FAM227B: variants seen among roughly 807,000 people sequenced by gnomAD.
FAM227B encodes the protein protein FAM227B.
A neutral mutation model predicts 73.8 loss-of-function variants in FAM227B; 88 were observed. The ratio of observed to expected loss-of-function variants is 1.19; its 90% CI spans 1.00 to 1.42. FAM227B has a LOEUF of 1.42. Ranked by LOEUF, FAM227B falls within the 40% of genes most tolerant of loss-of-function variation. The probability of loss-of-function intolerance (pLI) is 0.00; values close to 1 mark genes in which losing one functional copy is unlikely to be tolerated. For missense variants in FAM227B, 632 were observed against 590.9 expected, an observed-to-expected ratio of 1.07 and a Z score of -0.72; for synonymous variants, 210 against 190.5, an observed-to-expected ratio of 1.10 and a Z score of -0.84.
intron 11 of FAM227B, among the ~76,000 whole-genome samples, chr15:49,494,256 AACACACACACACAC>A (rs374477211): frequency 2.8e-5 from 4 of 140,606 alleles, no homozygotes; most frequent in Non-Finnish European, 6.3e-5. Context: ...GAGACACACA[AACACACACACACAC>A]ACACACACAC....
intron 11 of FAM227B, among the ~76,000 whole-genome samples, chr15:49,479,812 C>A (rs530738062): frequency 1.3e-5 from 2 of 152,086 alleles, no homozygotes; most frequent in South Asian, 4.2e-4. Flanking sequence ...TGGGGTTTCA[C>A]CATATTTGCC....
chr15:49,489,824 A>ATATATATATATATATATTT (rs1567381498), intron 11 of FAM227B, among the ~76,000 whole-genome samples: 266 of 21,436 alleles, frequency 0.012, 23 homozygotes, highest in Middle Eastern at 0.043. Flanking sequence ...TATATATTTT[A>ATATATATATATATATATTT]TATATATATA....
At chr15:49,433,240 C>T (rs547732715) in intron 11 of FAM227B, among the ~76,000 whole-genome samples, 1 of 151,632 alleles carries the variant, frequency 6.6e-6, no homozygotes, top group Non-Finnish European at 1.5e-5. Flanking sequence ...TACCTGTGTA[C>T]AGCACATCTG....
At chr15:49,364,612 C>G (rs2044804814) in intron 13 of FAM227B, among the ~76,000 whole-genome samples, 1 of 152,030 alleles carries the variant, frequency 6.6e-6, no homozygotes, top group African/African-American at 2.4e-5. Flanking sequence ...CAAAAATATG[C>G]ACTTACATTT....
At chr15:49,584,579 T>C (rs997066989) in intron 5 of FAM227B, among the ~76,000 whole-genome samples, 12 of 152,198 alleles carry the variant, frequency 7.9e-5, no homozygotes, top group Non-Finnish European at 1.6e-4. Flanking sequence ...CATACTACCC[T>C]GTTTTCAGGT....
intron 10 of FAM227B, among the ~76,000 whole-genome samples, chr15:49,523,123 C>A (rs1461637177): frequency 6.6e-6 from 1 of 152,130 alleles, no homozygotes; most frequent in African/African-American, 2.4e-5. Context: ...AGACTAACAG[C>A]AGACTTCTAA....
intron 11 of FAM227B, among the ~76,000 whole-genome samples, chr15:49,443,197 T>C (rs551578201): frequency 2.8e-4 from 43 of 151,808 alleles, no homozygotes; most frequent in Middle Eastern, 3.4e-3. Context: ...TTATTAAACA[T>C]TTAATTACAT....
At chr15:49,565,677 C>G (rs2152344835) in intron 9 of FAM227B, among the ~76,000 whole-genome samples, 1 of 152,134 alleles carries the variant, frequency 6.6e-6, no homozygotes, top group South Asian at 2.1e-4. Context: ...GTTCTAATCC[C>G]TGGAACCTGT....
At chr15:49,489,838 ATTTTATATATATATATATATT>A in intron 11 of FAM227B, among the ~76,000 whole-genome samples, 1 of 30,572 alleles carries the variant, frequency 3.3e-5, no homozygotes, top group Non-Finnish European at 5.5e-5. Context: ...ATATATATAT[ATTTTATATATATATATATATT>A]TTATATATAT....
At chr15:49,483,097 A>T in intron 11 of FAM227B, 1 of 970,966 alleles carries the variant, frequency 1.0e-6, no homozygotes, top group East Asian at 2.4e-5. Flanking sequence ...CCATTCGTGG[A>T]TCATTTGCAA....
At chr15:49,385,212 C>T (rs1366199277) in intron 11 of FAM227B, among the ~76,000 whole-genome samples, 2 of 151,894 alleles carry the variant, frequency 1.3e-5, no homozygotes, top group African/African-American at 4.8e-5. Context: ...GTTTAAAGTA[C>T]ATTCATGTAA....
intron 11 of FAM227B, among the ~76,000 whole-genome samples, chr15:49,402,326 T>A (rs1288080473): frequency 1.3e-5 from 2 of 151,958 alleles, no homozygotes; most frequent in East Asian, 3.9e-4. Context: ...TTCCTAATTC[T>A]GTGAAGAATG....
chr15:49,588,725 G>C, intron 4 of FAM227B, among the ~76,000 whole-genome samples: 1 of 150,496 alleles, frequency 6.6e-6, no homozygotes, highest in East Asian at 1.9e-4. Context: ...CTGTGTGTAT[G>C]TGTGTATGCA....
chr15:49,364,420 T>C (rs1596567081), intron 13 of FAM227B, among the ~76,000 whole-genome samples: 1 of 152,204 alleles, frequency 6.6e-6, no homozygotes, highest in African/African-American at 2.4e-5. Context: ...ATAGTAGTCT[T>C]GGAGGTTGTT....
At chr15:49,591,036 T>G (rs1204148263) in intron 3 of FAM227B, among the ~76,000 whole-genome samples, 3 of 133,834 alleles carry the variant, frequency 2.2e-5, no homozygotes, top group Non-Finnish European at 3.2e-5. Context: ...TTTGTTTTTT[T>G]TTTTTTTGAT....
intron 10 of FAM227B, among the ~76,000 whole-genome samples, chr15:49,537,722 A>G (rs1222136827): frequency 6.6e-6 from 1 of 152,186 alleles, no homozygotes; most frequent in Non-Finnish European, 1.5e-5. Flanking sequence ...GTAAAACAGA[A>G]TATTATTCAG....
At chr15:49,611,069 G>T in intron 3 of FAM227B, 146 bp downstream of exon 3, 1 of 523,554 alleles carries the variant, frequency 1.9e-6, no homozygotes. Context: ...CCTACTCAAA[G>T]GACATAAGTA....
intron 3 of FAM227B, among the ~76,000 whole-genome samples, chr15:49,591,029 G>GTTTTTTTTTTTTTTTTGTTTTTTTTTT (rs71424023): frequency 9.5e-6 from 1 of 105,608 alleles, no homozygotes; most frequent in African/African-American, 3.5e-5. Context: ...TCTTTTTTTT[G>GTTTTTTTTTTTTTTTTGTTTTTTTTTT]TTTTTTTTTT....
intron 11 of FAM227B, among the ~76,000 whole-genome samples, chr15:49,450,932 C>T (rs968890332): frequency 1.1e-4 from 16 of 152,134 alleles, no homozygotes; most frequent in African/African-American, 3.6e-4. Flanking sequence ...AGTATAGCTA[C>T]AGCTAATCAA....
Sources: gnomAD v4.1 joint callset for allele counts (sites outside exome capture counted in the v4.1 genomes callset) on GRCh38, gnomAD v4.1.1 for gene constraint, MANE v1.5 for transcripts, NCBI Gene and HGNC (gene_info 2026-07-23, HGNC 2026-07-21) for gene names.